COL3A1: variants seen among roughly 807,000 people sequenced by gnomAD.
The protein encoded by COL3A1 is collagen alpha-1(III) chain.
A neutral mutation model predicts 200.9 loss-of-function variants in COL3A1; 46 were observed. That is an observed-to-expected ratio of 0.23 (90% CI 0.18 to 0.29). The LOEUF (loss-of-function observed/expected upper bound fraction) is 0.29. Among genes scored for constraint, COL3A1 ranks in the 10% least tolerant of loss-of-function variants. The pLI, the probability that COL3A1 is intolerant of heterozygous loss-of-function variation, is 1.00. For missense variants in COL3A1, 1,367 were observed against 1,917.6 expected, an observed-to-expected ratio of 0.71 and a Z score of 5.36; for synonymous variants, 650 against 628.0, an observed-to-expected ratio of 1.03 and a Z score of -0.52.
intron 4 of COL3A1, among the ~76,000 whole-genome samples, chr2:188,986,422 A>G (rs1688065794): frequency 6.6e-6 from 1 of 152,080 alleles, no homozygotes; most frequent in South Asian, 2.1e-4. Context: ...TTCAACAAGA[A>G]CCAAAGTATA....
chr2:188,993,885 C>G (rs959945649), intron 16 of COL3A1, among the ~76,000 whole-genome samples, 153 bp from the exon 17 acceptor site: 1 of 152,062 alleles, frequency 6.6e-6, no homozygotes, highest in Non-Finnish European at 1.5e-5. Context: ...TTCTTTTGAC[C>G]ACATTTCATA....
At chr2:188,991,605 C>T (rs1688190435) in intron 12 of COL3A1, 64 bp from the exon 13 acceptor site, 1 of 1,607,128 alleles carries the variant, frequency 6.2e-7, no homozygotes, top group South Asian at 1.1e-5. Flanking sequence ...GCTTTGCTCC[C>T]ACCCCAACTG....
chr2:188,988,726 T>C, intron 7 of COL3A1, 83 bp downstream of exon 7: 1 of 908,156 alleles, frequency 1.1e-6, no homozygotes, highest in South Asian at 1.5e-5. Flanking sequence ...AGTATAGGTC[T>C]TTACAGAATG....
rs370888534 is a variant in COL3A1, at chr2:189,004,251, T to C, written c.2824-6T>C. ...AGATGAGCTAAGTCTTCATTATCTG[T>C]ATTAGGGAGCTCCAGGCCCACTTGG... On this transcript the variant is annotated splice_region_variant and splice_polypyrimidine_tract_variant and intron_variant, in intron 39 of 50. Transcript: ENST00000304636. 3.7e-6 allele frequency: 6 copies of C among 1,600,960 alleles called. No homozygotes were observed. Among genetic ancestry groups the C allele is most frequent in the Non-Finnish European group, 5.1e-6 (6 of 1,173,634 alleles).
Position 189,001,487 on chromosome 2 carries a change from G to A in COL3A1, c.2337+37G>A, listed in dbSNP as rs369371924. ...TACTACCTGGATATAAAAAGAAAAT[G>A]TCTCTCTCTTTTGGATGCAAGACAG... On this transcript the variant is annotated intron_variant, in intron 33 of 50. Transcript: ENST00000304636. 7 of 1,613,846 alleles carry A rather than the reference G, an allele frequency of 4.3e-6. No individual in the cohort carries two copies. The Admixed American group carries it at 8.3e-5, about 19-fold the overall frequency.
rs1278335125 is a variant in COL3A1, at chr2:188,974,532, C to G, written c.43C>G (p.Leu15Val). The G allele has an allele frequency of 5.6e-6, 9 of 1,613,964 alleles. No homozygotes were observed. The Admixed American group carries it at 8.3e-5, about 15-fold the overall frequency. ...AAAGGGGAGCTGGCTACTTCTCGCTCTGCTTCATCCCACTATTATTTTGGC... is the reference window on the plus strand; with the variant it reads ...AAAGGGGAGCTGGCTACTTCTCGCTGTGCTTCATCCCACTATTATTTTGGC... ...VQKGSWLLLALLHPTIILAQQ... is the reference protein window; with the variant it reads ...VQKGSWLLLAVLHPTIILAQQ... The change falls in exon 1 of 51, where the codon CTG becomes GTG. Residue 15 changes from leucine to valine, a missense_variant. Leu to Val is a conservative substitution (Grantham distance 32). Transcript: ENST00000304636.
At chr2:188,985,008 C>A in intron 2 of COL3A1, 46 bp downstream of exon 2, 2 of 1,544,548 alleles carry the variant, frequency 1.3e-6, no homozygotes, top group African/African-American at 1.4e-5. Context: ...CATATTTAGA[C>A]ACATGAATAG....
At chr2:188,995,349 G>C (rs1688282539) in intron 21 of COL3A1, among the ~76,000 whole-genome samples, 1 of 152,174 alleles carries the variant, frequency 6.6e-6, no homozygotes, top group Non-Finnish European at 1.5e-5. Context: ...ATCGTTGCAA[G>C]AGTACAGTAA....
chr2:189,001,119 A>G (rs891869309), intron 32 of COL3A1, among the ~76,000 whole-genome samples: 10 of 152,232 alleles, frequency 6.6e-5, no homozygotes, highest in Admixed American at 1.3e-4. Context: ...CTTACATGAC[A>G]TCCTATTTAT....
At chr2:188,980,829 A>G (rs1687937049) in intron 1 of COL3A1, among the ~76,000 whole-genome samples, 1 of 151,264 alleles carries the variant, frequency 6.6e-6, no homozygotes, top group Admixed American at 6.6e-5. Flanking sequence ...TTCAATTGGA[A>G]ACTATATGAA....
chr2:188,985,927 A>C, intron 4 of COL3A1, 149 bp downstream of exon 4: 1 of 672,830 alleles, frequency 1.5e-6, no homozygotes, highest in Non-Finnish European at 2.7e-6. Flanking sequence ...TAGTGCTTCT[A>C]TGTATTAGGC....
chr2:188,991,592 C>T, intron 12 of COL3A1, 61 bp downstream of exon 12: 1 of 1,603,118 alleles, frequency 6.2e-7, no homozygotes, highest in South Asian at 1.1e-5. Context: ...TTACCTAAAA[C>T]TGGCTTTGCT....
intron 1 of COL3A1, among the ~76,000 whole-genome samples, chr2:188,982,048 A>G (rs1559051635): frequency 2.0e-5 from 3 of 151,636 alleles, no homozygotes; most frequent in East Asian, 1.9e-4. Flanking sequence ...AAACATTCCA[A>G]CTCTCTTTTT....
At chr2:189,010,143 A>T (rs1394601012) in intron 48 of COL3A1, 35 bp from the exon 49 acceptor site, 1 of 1,605,986 alleles carries the variant, frequency 6.2e-7, no homozygotes, top group Admixed American at 1.7e-5. Flanking sequence ...ACTGGATTTT[A>T]TAACCAATTC....
intron 47 of COL3A1, 151 bp downstream of exon 47, chr2:189,008,293 A>G: frequency 1.4e-6 from 1 of 737,248 alleles, no homozygotes; most frequent in Admixed American, 2.1e-5. Flanking sequence ...ATTCTCCATC[A>G]CATTAAAAAT....
At position 189,009,227 on chromosome 2, in the gene COL3A1, T is replaced by C; in HGVS notation, c.3823+6T>C. The C allele has an allele frequency of 6.2e-7, 1 of 1,614,054 alleles. No individual in the cohort carries two copies. Among genetic ancestry groups the C allele is most frequent in the East Asian group, 2.2e-5 (1 of 44,886 alleles). On this transcript the variant is annotated splice_donor_region_variant and intron_variant, in intron 48 of 50. Transcript: ENST00000304636. ...CCATCCTGAACTCAAGAGTGGTATG[T>C]TTGGTAGTCTTTCATCTTCATGGCA... is the stretch of plus-strand genomic sequence containing the variant.
chr2:188,994,985 A>G lies in COL3A1; in HGVS notation c.1456-61A>G. The G allele has an allele frequency of 6.3e-7, 1 of 1,588,242 alleles. No homozygotes were observed. The highest frequency in any genetic ancestry group is 1.3e-5 in the African/African-American group (1 of 74,516). On this transcript the variant is annotated intron_variant, in intron 20 of 50. Transcript: ENST00000304636. The surrounding 1 kb of genome is among the most constrained non-coding windows in gnomAD (Gnocchi z 4.5). ...ATGACATAAAAATATTTGCCACTCAAGAATTATGAAAAAGAATTGAAATCC... is the reference window on the plus strand; with the variant it reads ...ATGACATAAAAATATTTGCCACTCAGGAATTATGAAAAAGAATTGAAATCC...
Position 189,011,796 on chromosome 2 carries a change from C to T in COL3A1, c.*22C>T, listed in dbSNP as rs1688734459. The stretch of plus-strand genomic sequence containing the variant: ...ATAAACCAAACTCTATCTGAAATCC[C>T]AACAAAAAAAATTTAACTCCATATG... On this transcript the variant is annotated 3_prime_UTR_variant, in exon 51 of 51. Transcript: ENST00000304636. 24 of 1,612,796 alleles carry T rather than the reference C, an allele frequency of 1.5e-5. No homozygotes were observed. The East Asian group carries it at 5.4e-4, about 36-fold the overall frequency.
chr2:188,998,454 C>T (rs1688377975), intron 28 of COL3A1, 135 bp downstream of exon 28: 3 of 957,242 alleles, frequency 3.1e-6, no homozygotes, highest in East Asian at 5.3e-5. Flanking sequence ...ATTATCAAAA[C>T]AAAGACAAAT....
Sources: allele counts gnomAD v4.1 joint callset (sites outside exome capture counted in the v4.1 genomes callset), GRCh38; gene constraint gnomAD v4.1.1; non-coding constraint Gnocchi (gnomAD v3.1); transcripts MANE v1.5; gene names NCBI Gene and HGNC (gene_info 2026-07-23, HGNC 2026-07-21).